The following GRM7 variants were observed in gnomAD, a reference collection of about 807,000 sequenced individuals.
GRM7 encodes glutamate metabotropic receptor 7, also known as metabotropic glutamate receptor 7.
GRM7 carries 35 observed loss-of-function variants against 84.5 expected under a neutral mutation model. That is an observed-to-expected ratio of 0.41 (90% CI 0.32 to 0.55). The LOEUF (loss-of-function observed/expected upper bound fraction) is 0.55. GRM7 is among the 20% of genes least tolerant of loss of function. GRM7 has a pLI of 0.19. For synonymous variants in GRM7, 487 were observed against 455.1 expected (o/e 1.07, Z -0.89); for missense variants, 1,003 against 1,194.6 (o/e 0.84, Z 2.36).
intron 5 of GRM7, among the ~76,000 whole-genome samples, chr3:7,444,871 C>G (rs973818027): frequency 6.6e-6 from 1 of 152,158 alleles, no homozygotes; most frequent in African/African-American, 2.4e-5. Context: ...TTTGGCTAGA[C>G]AGTTTTTCTC....
At chr3:6,984,192 T>C (rs1457338551) in intron 1 of GRM7, among the ~76,000 whole-genome samples, 1 of 152,204 alleles carries the variant, frequency 6.6e-6, no homozygotes. Flanking sequence ...TTGCACATCG[T>C]CTTGGAGGCC....
intron 2 of GRM7, among the ~76,000 whole-genome samples, chr3:7,293,881 T>A (rs1699724275): frequency 6.6e-6 from 1 of 152,204 alleles, no homozygotes; most frequent in Non-Finnish European, 1.5e-5. Context: ...TTTATGGATC[T>A]GAGACAAATA....
chr3:7,604,276 C>T (rs143781894), intron 8 of GRM7, among the ~76,000 whole-genome samples: 2 of 152,160 alleles, frequency 1.3e-5, no homozygotes, highest in African/African-American at 4.8e-5. Context: ...TTAGGCCTAG[C>T]CTGATTATTT....
intron 7 of GRM7, among the ~76,000 whole-genome samples, chr3:7,498,337 G>A (rs754376282): frequency 6.6e-6 from 1 of 152,164 alleles, no homozygotes; most frequent in African/African-American, 2.4e-5. Flanking sequence ...AATTTGGGTT[G>A]GGCACAGTAA....
Position 7,231,976 on chromosome 3 carries a change from A to G in GRM7, c.737-66708A>G, listed in dbSNP as rs1316996808. 2.0e-5 allele frequency among the ~76,000 whole-genome samples: 3 copies of G among 152,230 alleles called. No homozygotes were observed. In the South Asian group the frequency reaches 6.2e-4, roughly 32 times the overall value. ...GGGAGAGAGATGTGAACAGATAACT[A>G]TAGCAGTGTGCTGAACCGAAGTACA... On this transcript the variant is annotated intron_variant, in intron 2 of 9. Coordinates refer to ENST00000357716, the MANE Select transcript of GRM7 (RefSeq NM_000844.4).
At chr3:7,306,057 C>T (rs927706875) in intron 3 of GRM7, among the ~76,000 whole-genome samples, 2 of 152,048 alleles carry the variant, frequency 1.3e-5, no homozygotes, top group Non-Finnish European at 2.9e-5. Context: ...ATCTTTAATT[C>T]ATAATCATAT....
chr3:6,971,899 A>C (rs1305670267), intron 1 of GRM7, among the ~76,000 whole-genome samples: 1 of 152,254 alleles, frequency 6.6e-6, no homozygotes, highest in Non-Finnish European at 1.5e-5. Context: ...TTAGAAATAA[A>C]TATGACTTTT....
chr3:6,911,659 C>T (rs759547094), intron 1 of GRM7, among the ~76,000 whole-genome samples: 1 of 152,046 alleles, frequency 6.6e-6, no homozygotes, highest in Non-Finnish European at 1.5e-5. Context: ...TTTTTCAAAT[C>T]GGATTTAAGA....
intron 7 of GRM7, among the ~76,000 whole-genome samples, chr3:7,508,914 G>T (rs184349500): frequency 6.6e-6 from 1 of 152,188 alleles, no homozygotes; most frequent in African/African-American, 2.4e-5. Context: ...AGAGGCAGAA[G>T]TTTGGAACTC....
At chr3:7,536,327 C>G (rs900949451) in intron 7 of GRM7, among the ~76,000 whole-genome samples, 5 of 152,150 alleles carry the variant, frequency 3.3e-5, no homozygotes, top group African/African-American at 1.2e-4. Context: ...TCACCAGGAT[C>G]TACATGAAGG....
intron 4 of GRM7, among the ~76,000 whole-genome samples, chr3:7,350,079 G>T (rs920413155): frequency 5.9e-5 from 9 of 152,060 alleles, no homozygotes; most frequent in Admixed American, 2.0e-4. Context: ...ATTGACCCTT[G>T]CGTAAGTACC....
intron 8 of GRM7, among the ~76,000 whole-genome samples, chr3:7,613,153 C>A (rs980947699): frequency 6.6e-6 from 1 of 151,906 alleles, no homozygotes; most frequent in Admixed American, 6.6e-5. Flanking sequence ...TTCTACTTGT[C>A]TCACTTAGTC....
At chr3:7,200,214 T>TA (rs776823631) in intron 2 of GRM7, among the ~76,000 whole-genome samples, 1 of 152,138 alleles carries the variant, frequency 6.6e-6, no homozygotes, top group Non-Finnish European at 1.5e-5. Context: ...TTTTCCCCCA[T>TA]AATACAAACA....
At chr3:7,727,022 A>T (rs539424046) in intron 9 of GRM7, among the ~76,000 whole-genome samples, 2 of 152,166 alleles carry the variant, frequency 1.3e-5, no homozygotes, top group African/African-American at 2.4e-5. Flanking sequence ...GGCTTTTAAA[A>T]TTTTGATTTA....
intron 7 of GRM7, among the ~76,000 whole-genome samples, chr3:7,540,461 T>C (rs1692807833): frequency 6.6e-6 from 1 of 152,132 alleles, no homozygotes; most frequent in Non-Finnish European, 1.5e-5. Context: ...TTATGCTAAG[T>C]GAAAGTAGCT....
intron 7 of GRM7, among the ~76,000 whole-genome samples, chr3:7,552,547 G>T (rs1693529803): frequency 6.6e-6 from 1 of 152,182 alleles, no homozygotes; most frequent in African/African-American, 2.4e-5. Context: ...ACTTCCAGGT[G>T]TTTCCATATA....
intron 9 of GRM7, among the ~76,000 whole-genome samples, chr3:7,685,457 G>T (rs1056281502): frequency 5.3e-5 from 8 of 152,128 alleles, no homozygotes; most frequent in Admixed American, 2.6e-4. Context: ...AGAGATGGCA[G>T]GCGGGTGGAC....
At chr3:7,419,555 C>A (rs1406138006) in intron 5 of GRM7, among the ~76,000 whole-genome samples, 4 of 152,112 alleles carry the variant, frequency 2.6e-5, no homozygotes, top group African/African-American at 2.4e-5. Context: ...TCTTAGCTCC[C>A]AAATGCATTT....
chr3:6,942,781 C>T (rs1018047850), intron 1 of GRM7, among the ~76,000 whole-genome samples: 1 of 152,038 alleles, frequency 6.6e-6, no homozygotes. Flanking sequence ...ATATGCTTAA[C>T]TTTTTAAGAA....
Sources: allele counts gnomAD v4.1 joint callset (sites outside exome capture counted in the v4.1 genomes callset), GRCh38; gene constraint gnomAD v4.1.1; transcripts MANE v1.5; gene names NCBI Gene and HGNC (gene_info 2026-07-23, HGNC 2026-07-21).